The following RAB37 variants were observed in gnomAD, a reference collection of about 807,000 sequenced individuals.
RAB37 encodes ras-related protein Rab-37.
Under a neutral mutation model 33.1 loss-of-function variants are expected in RAB37, and 29 were observed. The observed-to-expected ratio is 0.88, with a 90% CI of 0.65 to 1.20. The LOEUF is 1.20. Ranked by LOEUF, RAB37 falls within the 50% of genes most tolerant of loss-of-function variation. The pLI, the probability that RAB37 is intolerant of heterozygous loss-of-function variation, is 0.00. For missense variants in RAB37, 299 were observed against 301.1 expected (o/e 0.99, Z 0.05); for synonymous variants, 128 against 119.5 (o/e 1.07, Z -0.47).
In RAB37 at chr17:74,746,819, T is replaced by A. The variant is rs1020114648; in HGVS notation, c.*1408T>A. 11 of 152,200 alleles carry A rather than the reference T, an allele frequency of 7.2e-5. No homozygotes were observed. Among genetic ancestry groups the A allele is most frequent in the Non-Finnish European group, 1.5e-5 (1 of 68,054 alleles). 9.4% of individuals were successfully genotyped at this position (152,200 alleles called of 1,614,324 possible). A position where few individuals can be genotyped will look rare whatever the true frequency, so the allele number is the denominator to read the frequency against. On this transcript the variant is annotated 3_prime_UTR_variant, in exon 9 of 9. Transcript: ENST00000392613. The surrounding 1 kb of genome is among the most constrained non-coding windows in gnomAD (Gnocchi z 5.2). The stretch of plus-strand genomic sequence containing the variant: ...AACAGATACCAGGGCCTAAACTGCT[T>A]TACCTCCCCTCCTACTGAGTCAGGT...
At chr17:74,688,756 C>T (rs184605257) in intron 1 of RAB37, among the ~76,000 whole-genome samples, 13 of 152,118 alleles carry the variant, frequency 8.5e-5, no homozygotes, top group Admixed American at 5.9e-4. Context: ...TGTAAAATAT[C>T]GGAAAGAAAT....
chr17:74,686,613 C>G (rs1232668248), intron 1 of RAB37, among the ~76,000 whole-genome samples: 2 of 152,114 alleles, frequency 1.3e-5, no homozygotes, highest in African/African-American at 2.4e-5. Context: ...AGGCTGGTCT[C>G]TAACTCCTGA....
chr17:74,694,771 T>G, intron 1 of RAB37: 4 of 219,230 alleles, frequency 1.8e-5, no homozygotes, highest in Non-Finnish European at 2.7e-5. Context: ...TAAAGGTTCA[T>G]TGTATTACGA....
At position 74,676,674 on chromosome 17, in the gene RAB37, G is replaced by A. The variant is rs527557103; in HGVS notation, c.72+5016G>A. On this transcript the variant is annotated intron_variant, in intron 1 of 7. Coordinates refer to the RAB37 transcript ENST00000340415. This position sits in a 1 kb window ranked among gnomAD's most constrained non-coding sequence, Gnocchi z 4.1. ...GCTGGTCATTGTCGAGAATATAGAC[G>A]CAAATGATTCCCACCTTCACTAAGC... Among the ~76,000 whole-genome samples, 10 of 152,222 alleles carry A rather than the reference G, an allele frequency of 6.6e-5. No individual in the cohort carries two copies. The highest frequency in any genetic ancestry group is 4.1e-4 in the South Asian group (2 of 4,822).
At chr17:74,735,357 T>TG (rs1050367536), upstream of RAB37, among the ~76,000 whole-genome samples, 3 of 152,082 alleles carry the variant, frequency 2.0e-5, no homozygotes, top group Non-Finnish European at 2.9e-5. Flanking sequence ...CTGTCCAACA[T>TG]GGTGAAGTTC....
intron 1 of RAB37, chr17:74,695,026 G>A: frequency 6.6e-7 from 1 of 1,517,278 alleles, no homozygotes; most frequent in Non-Finnish European, 8.9e-7. Flanking sequence ...GAGGGGAGCA[G>A]GGGGCAGACG....
chr17:74,733,468 A>ATG (rs1284988386), upstream of RAB37, among the ~76,000 whole-genome samples: 1 of 1,642 alleles, frequency 6.1e-4, no homozygotes, highest in Non-Finnish European at 1.3e-3. Flanking sequence ...GATTTGAGGG[A>ATG]TGTGTGTGGT....
rs538693024 is a variant in RAB37 at position 74,676,953 on chromosome 17, C to T, written c.72+5295C>T. Among the ~76,000 whole-genome samples, 1 of 152,120 alleles carries T rather than the reference C, an allele frequency of 6.6e-6. No homozygotes were observed. Among genetic ancestry groups the T allele is most frequent in the East Asian group, 1.9e-4 (1 of 5,178 alleles). ...GGATCATGAGGTCAGGAATTCGAGA[C>T]CAGCTTGGCCAACATGGTGAAACTC... is the stretch of plus-strand genomic sequence containing the variant. On this transcript the variant is annotated intron_variant, in intron 1 of 7. Coordinates refer to the RAB37 transcript ENST00000340415. The surrounding 1 kb of genome is among the most constrained non-coding windows in gnomAD (Gnocchi z 4.1).
chr17:74,736,837 G>T, upstream of RAB37: 1 of 1,530,734 alleles, frequency 6.5e-7, no homozygotes, highest in Non-Finnish European at 8.7e-7. Context: ...CAGCCCAGGG[G>T]TCCCCAGCTC....
chr17:74,740,773 G>A lies in RAB37; in HGVS notation c.99G>A (p.Met33Ile). 1 of 1,613,262 alleles carries A rather than the reference G, an allele frequency of 6.2e-7. No individual in the cohort carries two copies. Among genetic ancestry groups the A allele is most frequent in the Non-Finnish European group, 8.5e-7 (1 of 1,179,322 alleles). The stretch of plus-strand genomic sequence containing the variant: ...CCTCTGCCCCTACCCCCTAGGTGAT[G>A]CTTCTGGGAGACACAGGCGTCGGCA... Reference protein sequence around the residue: ...SPSYDLTGKVMLLGDTGVGKT... With the variant: ...SPSYDLTGKVILLGDTGVGKT... Residue 33 changes from methionine (M) to isoleucine (I), a missense_variant, in exon 2 of 9, where the codon ATG (methionine) becomes ATA (isoleucine). Coordinates refer to ENST00000392613, the MANE Select transcript of RAB37 (RefSeq NM_001006638.3).
chr17:74,680,108 A>G (rs995320679), intron 1 of RAB37, among the ~76,000 whole-genome samples: 1 of 152,076 alleles, frequency 6.6e-6, no homozygotes, highest in Non-Finnish European at 1.5e-5. Context: ...TATTCTAAGC[A>G]CTTAGCATCT....
At chr17:74,734,478 G>A (rs2034436804), upstream of RAB37, among the ~76,000 whole-genome samples, 1 of 152,206 alleles carries the variant, frequency 6.6e-6, no homozygotes, top group African/African-American at 2.4e-5. Flanking sequence ...ATGGTTTACA[G>A]TAGAAGGTGA....
upstream of RAB37, among the ~76,000 whole-genome samples, chr17:74,736,122 A>C (rs1369954549): frequency 6.6e-6 from 1 of 151,842 alleles, no homozygotes; most frequent in African/African-American, 2.4e-5. Context: ...CTGAGGCGGG[A>C]GTATAGCTTG....
Position 74,676,807 on chromosome 17 carries a change from T to C in RAB37, c.72+5149T>C, listed in dbSNP as rs2031843331. 1.3e-5 allele frequency among the ~76,000 whole-genome samples: 2 copies of C among 152,062 alleles called. No homozygotes were observed. ...AAGGGAGTGACCCAGGAAGAAAAGG[T>C]CATGTCTGACTGAATTTGAAATGTC... On this transcript the variant is annotated intron_variant, in intron 1 of 7. Transcript: ENST00000340415. This position sits in a 1 kb window ranked among gnomAD's most constrained non-coding sequence, Gnocchi z 4.1.
chr17:74,731,774 G>A (rs147544502), intron 2 of RAB37, among the ~76,000 whole-genome samples: 62 of 152,224 alleles, frequency 4.1e-4, no homozygotes, highest in Admixed American at 7.2e-4. Context: ...TTGGGAGGCC[G>A]AGGCGGGCGG....
Position 74,745,358 on chromosome 17 carries a change from C to T in RAB37, c.619C>T (p.Arg207Ter), listed in dbSNP as rs760695554. 6 of 1,614,026 alleles carry T rather than the reference C, an allele frequency of 3.7e-6. No individual in the cohort carries two copies. The highest frequency in any genetic ancestry group is 1.7e-5 in the Admixed American group (1 of 60,004). The part of the protein sequence containing the change: ...HQADEPSFQI[R>*]DYVESQKKRS... Reference sequence around the variant, plus strand: ...GGCGGATGAGCCCAGCTTCCAGATCCGAGACTATGTAGAGTCCCAGAAGAA... The same window carrying T: ...GGCGGATGAGCCCAGCTTCCAGATCTGAGACTATGTAGAGTCCCAGAAGAA... The change falls in exon 9 of 9, where the codon CGA becomes TGA. Residue 207 changes from arginine (R) to a stop codon, truncating the protein, a stop_gained. Transcript: ENST00000392613. LOFTEE classifies it high-confidence loss of function. This position sits in a 1 kb window ranked among gnomAD's most constrained non-coding sequence, Gnocchi z 4.5.
At chr17:74,692,001 G>A (rs2032165926) in intron 1 of RAB37, among the ~76,000 whole-genome samples, 1 of 151,900 alleles carries the variant, frequency 6.6e-6, no homozygotes, top group Non-Finnish European at 1.5e-5. Context: ...AAGTAGCTAG[G>A]ACTACAGGCA....
At chr17:74,708,209 C>A (rs2033671645) in intron 1 of RAB37, among the ~76,000 whole-genome samples, 1 of 150,758 alleles carries the variant, frequency 6.6e-6, no homozygotes, top group Non-Finnish European at 1.5e-5. Flanking sequence ...ATGCTAAAAT[C>A]AGCACAAAAT....
At position 74,730,257 on chromosome 17, in the gene RAB37, C is replaced by T. The variant is rs1164585149; in HGVS notation, c.183+891C>T. 6.6e-6 allele frequency among the ~76,000 whole-genome samples: 1 copy of T among 152,150 alleles called. No individual in the cohort carries two copies. Among genetic ancestry groups the T allele is most frequent in the Non-Finnish European group, 1.5e-5 (1 of 68,050 alleles). ...AGAGCAAACATCTCTTCTTGGACAACGCGGATGTTTGGGAACCTCTGAGAC... is the reference window on the plus strand; with the variant it reads ...AGAGCAAACATCTCTTCTTGGACAATGCGGATGTTTGGGAACCTCTGAGAC... On this transcript the variant is annotated intron_variant, in intron 2 of 7. Coordinates refer to the RAB37 transcript ENST00000340415. This position sits in a 1 kb window ranked among gnomAD's most constrained non-coding sequence, Gnocchi z 4.4.
Sources: allele counts gnomAD v4.1 joint callset (sites outside exome capture counted in the v4.1 genomes callset), GRCh38; gene constraint gnomAD v4.1.1; non-coding constraint Gnocchi (gnomAD v3.1); transcripts MANE v1.5; gene names NCBI Gene and HGNC (gene_info 2026-07-23, HGNC 2026-07-21).